IQCM: variants seen among roughly 807,000 people sequenced by gnomAD.
IQCM encodes the protein IQ motif containing M, also known as IQ domain-containing protein M.
A neutral mutation model predicts 57.6 loss-of-function variants in IQCM; 45 were observed. The ratio of observed to expected loss-of-function variants is 0.78; its 90% CI spans 0.62 to 1.00. The LOEUF is 1.00. IQCM is among the 50% of genes least tolerant of loss of function. The pLI is 0.00. For missense variants in IQCM, 468 were observed against 511.6 expected (o/e 0.91, Z 0.82); for synonymous variants, 148 against 158.9 (o/e 0.93, Z 0.51).
intron 7 of IQCM, among the ~76,000 whole-genome samples, chr4:149,677,673 C>T (rs1016908722): frequency 1.3e-5 from 2 of 151,920 alleles, no homozygotes; most frequent in Non-Finnish European, 2.9e-5. Context: ...TTTCCCCAAG[C>T]ATACAAAGCA....
intron 12 of IQCM, among the ~76,000 whole-genome samples, chr4:149,469,060 A>T (rs1739202906): frequency 6.6e-6 from 1 of 152,186 alleles, no homozygotes. Flanking sequence ...TAAAAATCAG[A>T]TTGGCTCTTC....
intron 13 of IQCM, among the ~76,000 whole-genome samples, chr4:149,412,383 C>A (rs1325713186): frequency 6.6e-6 from 1 of 152,090 alleles, no homozygotes; most frequent in East Asian, 1.9e-4. Flanking sequence ...TACCTAGACC[C>A]CTCCCAAAGG....
intron 2 of IQCM, among the ~76,000 whole-genome samples, chr4:149,779,223 C>A (rs1771379346): frequency 6.6e-6 from 1 of 152,126 alleles, no homozygotes; most frequent in Non-Finnish European, 1.5e-5. Flanking sequence ...TAAAACAATT[C>A]CTATACAAAT....
chr4:149,489,588 A>G (rs1458085389), intron 12 of IQCM, among the ~76,000 whole-genome samples: 1 of 152,040 alleles, frequency 6.6e-6, no homozygotes, highest in Non-Finnish European at 1.5e-5. Context: ...GCAATCTCAC[A>G]TACTACTGAA....
chr4:149,617,386 TCC>T (rs1186081884), intron 8 of IQCM, among the ~76,000 whole-genome samples: 1 of 152,194 alleles, frequency 6.6e-6, no homozygotes, highest in Non-Finnish European at 1.5e-5. Flanking sequence ...CATTTAGACT[TCC>T]AGTGGTGAAA....
chr4:149,454,470 T>C (rs1397976086), intron 12 of IQCM, among the ~76,000 whole-genome samples: 20 of 151,558 alleles, frequency 1.3e-4, no homozygotes. Flanking sequence ...ACTTTAGGGT[T>C]GGGAGTGGGA....
intron 2 of IQCM, among the ~76,000 whole-genome samples, chr4:149,751,211 G>A (rs1336556757): frequency 6.6e-6 from 1 of 152,136 alleles, no homozygotes; most frequent in Admixed American, 6.5e-5. Flanking sequence ...CCAGAATATG[G>A]GTTTCCTGAT....
intron 12 of IQCM, among the ~76,000 whole-genome samples, chr4:149,546,558 C>T (rs138147478): frequency 6.6e-6 from 1 of 152,210 alleles, no homozygotes; most frequent in African/African-American, 2.4e-5. Flanking sequence ...ATATGCATTT[C>T]TCTGATGGCC....
chr4:149,807,368 T>G (rs570338144), intron 2 of IQCM, among the ~76,000 whole-genome samples: 22 of 152,026 alleles, frequency 1.4e-4, no homozygotes, highest in African/African-American at 4.3e-4. Context: ...CTGGGAAAAC[T>G]AGATATCCAT....
At chr4:149,526,163 A>G (rs1026902603) in intron 12 of IQCM, among the ~76,000 whole-genome samples, 1 of 151,928 alleles carries the variant, frequency 6.6e-6, no homozygotes, top group African/African-American at 2.4e-5. Context: ...CTTTTATCCA[A>G]CAATTTTACT....
intron 2 of IQCM, among the ~76,000 whole-genome samples, chr4:149,745,171 C>T (rs1021022295): frequency 8.5e-5 from 13 of 152,114 alleles, no homozygotes; most frequent in African/African-American, 3.1e-4. Flanking sequence ...AGAAATAGTA[C>T]AAGCAAAGGC....
At chr4:149,753,924 A>G (rs755769199) in intron 2 of IQCM, among the ~76,000 whole-genome samples, 3 of 152,124 alleles carry the variant, frequency 2.0e-5, no homozygotes, top group African/African-American at 4.8e-5. Flanking sequence ...AAGAAAGAAT[A>G]AAAATAAATC....
intron 13 of IQCM, among the ~76,000 whole-genome samples, chr4:149,394,751 T>G (rs981142458): frequency 3.3e-5 from 5 of 152,032 alleles, no homozygotes; most frequent in Non-Finnish European, 7.4e-5. Context: ...GCTTCCACAG[T>G]AGCAATTACA....
At chr4:149,743,520 C>G (rs528213337) in intron 2 of IQCM, among the ~76,000 whole-genome samples, 1 of 152,112 alleles carries the variant, frequency 6.6e-6, no homozygotes, top group African/African-American at 2.4e-5. Flanking sequence ...GCCTTGAAAA[C>G]AAAACTATAC....
chr4:149,392,482 G>A (rs1452834319), intron 13 of IQCM, among the ~76,000 whole-genome samples: 1 of 151,898 alleles, frequency 6.6e-6, no homozygotes, highest in Non-Finnish European at 1.5e-5. Context: ...CTGTCCACGG[G>A]GAAAAGGAAA....
chr4:149,453,557 T>C (rs868638682), intron 12 of IQCM, among the ~76,000 whole-genome samples: 8 of 151,734 alleles, frequency 5.3e-5, no homozygotes, highest in Admixed American at 5.3e-4. Context: ...AATGGGCAAA[T>C]TATTTGAATG....
chr4:149,390,958 T>G (rs1008164256), intron 13 of IQCM, among the ~76,000 whole-genome samples: 2 of 151,874 alleles, frequency 1.3e-5, no homozygotes, highest in Admixed American at 1.3e-4. Flanking sequence ...TCCTCTCCTC[T>G]TCTACTCTTG....
intron 13 of IQCM, among the ~76,000 whole-genome samples, chr4:149,399,166 A>C (rs1462431178): frequency 6.6e-6 from 1 of 152,072 alleles, no homozygotes; most frequent in African/African-American, 2.4e-5. Context: ...AATATTCTCA[A>C]GGCTCTTGTC....
intron 12 of IQCM, among the ~76,000 whole-genome samples, chr4:149,532,352 G>A (rs537176262): frequency 9.9e-5 from 15 of 152,008 alleles, no homozygotes; most frequent in Admixed American, 2.6e-4. Context: ...ACCTACAAGA[G>A]ATTCCATGTT....
Sources: allele counts gnomAD v4.1 joint callset (sites outside exome capture counted in the v4.1 genomes callset), GRCh38; gene constraint gnomAD v4.1.1; transcripts MANE v1.5; gene names NCBI Gene and HGNC (gene_info 2026-07-23, HGNC 2026-07-21).